The following BLTP1 variants were observed in gnomAD, a reference collection of about 807,000 sequenced individuals.
BLTP1 encodes the protein bridge-like lipid transfer protein family member 1.
the BLTP1 span, among the ~76,000 whole-genome samples, chr4:122,275,031 C>A: frequency 6.6e-6 from 1 of 152,100 alleles, no homozygotes; most frequent in Middle Eastern, 3.4e-3. Flanking sequence ...GTCTGAGGTT[C>A]GGTTTGGACC....
At chr4:122,178,277 A>C in the BLTP1 span, 1 of 396,900 alleles carries the variant, frequency 2.5e-6, no homozygotes, top group Non-Finnish European at 3.4e-6. Flanking sequence ...TTTGTTTTCA[A>C]ATTTACATAA....
At chr4:122,275,293 G>T in the BLTP1 span, among the ~76,000 whole-genome samples, 9 of 152,048 alleles carry the variant, frequency 5.9e-5, no homozygotes, top group Non-Finnish European at 1.3e-4. Context: ...TTGGGAACTG[G>T]AGTGGTCTTA....
chr4:122,189,296 C>T, the BLTP1 span: 1 of 978,450 alleles, frequency 1.0e-6, no homozygotes, highest in Non-Finnish European at 1.2e-6. Context: ...TTTTGATATG[C>T]AAGAAGATAT....
the BLTP1 span, among the ~76,000 whole-genome samples, chr4:122,327,292 G>A: frequency 6.6e-6 from 1 of 151,634 alleles, no homozygotes; most frequent in Non-Finnish European, 1.5e-5. Context: ...TATAAATGGT[G>A]CAATATTTGC....
At chr4:122,276,790 G>A in the BLTP1 span, 3 of 970,614 alleles carry the variant, frequency 3.1e-6, no homozygotes, top group South Asian at 4.8e-5. Flanking sequence ...AGAAAAAAGT[G>A]TATTTCTCTA....
chr4:122,197,478 A>G, the BLTP1 span: 2 of 845,798 alleles, frequency 2.4e-6, no homozygotes, highest in Admixed American at 6.2e-5. Flanking sequence ...AATCAAGTTC[A>G]GTCTTATATG....
At chr4:122,269,650 G>A in the BLTP1 span, 1 of 985,120 alleles carries the variant, frequency 1.0e-6, no homozygotes, top group Non-Finnish European at 1.2e-6. Context: ...GTAGCAGATT[G>A]TTCATTCTGC....
the BLTP1 span, chr4:122,237,963 CAG>C: frequency 1.1e-6 from 1 of 916,962 alleles, no homozygotes; most frequent in Non-Finnish European, 1.5e-6. Flanking sequence ...AGCCTGGTGA[CAG>C]AGCGAGACTC....
the BLTP1 span, chr4:122,167,811 A>G: frequency 2.0e-6 from 2 of 985,184 alleles, no homozygotes; most frequent in Non-Finnish European, 2.4e-6. Flanking sequence ...CGCATGCTTT[A>G]CTCTGCTTCA....
the BLTP1 span, among the ~76,000 whole-genome samples, chr4:122,222,654 G>T: frequency 2.0e-5 from 3 of 151,848 alleles, no homozygotes; most frequent in Admixed American, 6.6e-5. Flanking sequence ...TCAAATTTCT[G>T]CCTCCATCTC....
the BLTP1 span, among the ~76,000 whole-genome samples, chr4:122,268,199 A>T: frequency 6.6e-5 from 10 of 152,186 alleles, no homozygotes; most frequent in Non-Finnish European, 1.5e-4. Context: ...AAAAAAAAGT[A>T]AAACTAATAT....
At chr4:122,312,751 T>C in the BLTP1 span, 1 of 679,968 alleles carries the variant, frequency 1.5e-6, no homozygotes, top group Non-Finnish European at 1.8e-6. Flanking sequence ...CCTTTTGAAA[T>C]TTTTCAAAGA....
the BLTP1 span, chr4:122,240,011 A>C: frequency 6.2e-7 from 1 of 1,614,216 alleles, no homozygotes; most frequent in East Asian, 2.2e-5. Context: ...CACTTACTGG[A>C]CATGGAGAAA....
the BLTP1 span, chr4:122,362,403 T>TTCTG: frequency 1.8e-5 from 11 of 595,570 alleles, no homozygotes; most frequent in Non-Finnish European, 3.1e-5. Context: ...AGTTCCATCA[T>TTCTG]TCTGTGTACA....
At chr4:122,207,613 C>T in the BLTP1 span, 1 of 1,602,342 alleles carries the variant, frequency 6.2e-7, no homozygotes, top group East Asian at 2.3e-5. Flanking sequence ...GTTCCAGCTA[C>T]ATGTAATACC....
At chr4:122,289,778 A>G in the BLTP1 span, 2 of 981,478 alleles carry the variant, frequency 2.0e-6, no homozygotes, top group African/African-American at 3.5e-5. Context: ...ATAAATTGGC[A>G]TCAAAAGGAG....
At chr4:122,217,552 C>A in the BLTP1 span, among the ~76,000 whole-genome samples, 1 of 152,068 alleles carries the variant, frequency 6.6e-6, no homozygotes, top group Non-Finnish European at 1.5e-5. Context: ...ATCCCTTCAT[C>A]CCTGGTGTGA....
At chr4:122,226,770 C>T in the BLTP1 span, 2 of 1,613,298 alleles carry the variant, frequency 1.2e-6, no homozygotes, top group Non-Finnish European at 1.7e-6. Flanking sequence ...GGAGTATGAA[C>T]TGGAAAGACC....
the BLTP1 span, chr4:122,247,905 G>A: frequency 1.0e-6 from 1 of 978,892 alleles, no homozygotes; most frequent in Non-Finnish European, 1.2e-6. Context: ...ATGCTTAAAT[G>A]TTTTCAGAAT....
Sources: allele counts gnomAD v4.1 joint callset (sites outside exome capture counted in the v4.1 genomes callset), GRCh38; gene constraint gnomAD v4.1.1; transcripts MANE v1.5; gene names NCBI Gene and HGNC (gene_info 2026-07-23, HGNC 2026-07-21).